ZNF385B: variants seen among roughly 807,000 people sequenced by gnomAD.
ZNF385B encodes the protein zinc finger protein 385B.
ZNF385B carries 23 observed loss-of-function variants against 39.2 expected under a neutral mutation model. The ratio of observed to expected loss-of-function variants is 0.59; its 90% CI spans 0.42 to 0.83. ZNF385B has a LOEUF of 0.83. Ranked by LOEUF, ZNF385B falls within the 40% of genes least tolerant of loss-of-function variation. ZNF385B has a pLI of 0.00. For synonymous variants in ZNF385B, 205 were observed against 222.6 expected (o/e 0.92, Z 0.70); for missense variants, 552 against 598.9 (o/e 0.92, Z 0.82).
intron 3 of ZNF385B, among the ~76,000 whole-genome samples, chr2:179,590,364 C>G (rs1340756315): frequency 6.6e-6 from 1 of 152,158 alleles, no homozygotes; most frequent in East Asian, 1.9e-4. Flanking sequence ...GGGGTTTAAG[C>G]CCAATGCCTG....
chr2:179,745,367 T>C (rs556794211), intron 3 of ZNF385B, among the ~76,000 whole-genome samples: 1 of 152,264 alleles, frequency 6.6e-6, no homozygotes, highest in South Asian at 2.1e-4. Context: ...CTGAAACACA[T>C]AATAACACTG....
At chr2:179,566,848 T>C (rs111713932) in intron 3 of ZNF385B, among the ~76,000 whole-genome samples, 4,206 of 152,158 alleles carry the variant, frequency 0.028, 82 homozygotes, top group African/African-American at 0.054. Context: ...ATTACATTCA[T>C]TGGGGAGGGG....
chr2:179,760,712 C>T (rs758232698), intron 3 of ZNF385B, among the ~76,000 whole-genome samples: 2 of 152,038 alleles, frequency 1.3e-5, no homozygotes, highest in African/African-American at 4.8e-5. Context: ...CTAAACCCAA[C>T]GGCAAGCATC....
intron 1 of ZNF385B, among the ~76,000 whole-genome samples, chr2:179,822,452 T>C (rs1170444048): frequency 6.6e-6 from 1 of 152,210 alleles, no homozygotes; most frequent in Non-Finnish European, 1.5e-5. Flanking sequence ...TTATATCTGA[T>C]TCAACATATT....
At chr2:179,445,825 T>C in intron 7 of ZNF385B, 97 bp from the exon 8 acceptor site, 1 of 1,178,814 alleles carries the variant, frequency 8.5e-7, no homozygotes, top group Non-Finnish European at 1.1e-6. Context: ...AGGCTAAAAT[T>C]CCCAATGCTT....
At chr2:179,851,702 A>T (rs976685626) in intron 1 of ZNF385B, among the ~76,000 whole-genome samples, 4 of 152,188 alleles carry the variant, frequency 2.6e-5, no homozygotes, top group Non-Finnish European at 4.4e-5. Flanking sequence ...CAAAATTTTT[A>T]ATGTCATTTT....
chr2:179,724,177 C>T (rs1048348073), intron 3 of ZNF385B, among the ~76,000 whole-genome samples: 1 of 151,998 alleles, frequency 6.6e-6, no homozygotes, highest in African/African-American at 2.4e-5. Context: ...GGCATGGTGG[C>T]GGGCGCCTGC....
At chr2:179,848,456 G>A (rs747390149) in intron 1 of ZNF385B, among the ~76,000 whole-genome samples, 1 of 152,064 alleles carries the variant, frequency 6.6e-6, no homozygotes, top group African/African-American at 2.4e-5. Flanking sequence ...GCTACTACTC[G>A]GTATGTGCAG....
intron 3 of ZNF385B, among the ~76,000 whole-genome samples, chr2:179,726,975 A>T (rs189497619): frequency 6.6e-6 from 1 of 152,190 alleles, no homozygotes; most frequent in Admixed American, 6.5e-5. Context: ...TAACCCGAGT[A>T]CTTTAACCAC....
chr2:179,483,074 T>A (rs950345513), intron 6 of ZNF385B, among the ~76,000 whole-genome samples, 198 bp downstream of exon 6: 2 of 151,770 alleles, frequency 1.3e-5, no homozygotes, highest in Non-Finnish European at 2.9e-5. Context: ...AACGTATATA[T>A]TTAATAACAT....
At chr2:179,633,356 C>G (rs960739433) in intron 3 of ZNF385B, among the ~76,000 whole-genome samples, 4 of 152,046 alleles carry the variant, frequency 2.6e-5, no homozygotes, top group Admixed American at 2.6e-4. Flanking sequence ...TTATCCACCA[C>G]GATCAAGTCA....
intron 1 of ZNF385B, among the ~76,000 whole-genome samples, chr2:179,813,562 A>T (rs940184756): frequency 1.3e-5 from 2 of 152,240 alleles, no homozygotes; most frequent in African/African-American, 4.8e-5. Context: ...AAGGATAAGC[A>T]GGGAAAATTC....
chr2:179,450,871 C>A (rs1322662149), intron 6 of ZNF385B, among the ~76,000 whole-genome samples: 1 of 151,920 alleles, frequency 6.6e-6, no homozygotes, highest in African/African-American at 2.4e-5. Flanking sequence ...CAATGATAGA[C>A]TGGATTAAGA....
intron 3 of ZNF385B, among the ~76,000 whole-genome samples, chr2:179,711,847 G>T (rs1330683683): frequency 6.0e-5 from 8 of 134,174 alleles, no homozygotes; most frequent in Non-Finnish European, 9.6e-5. Flanking sequence ...TAGCAGTTCT[G>T]TTCAGCCTAC....
chr2:179,688,680 C>A (rs1306984447), intron 3 of ZNF385B, among the ~76,000 whole-genome samples: 1 of 152,174 alleles, frequency 6.6e-6, no homozygotes, highest in Admixed American at 6.5e-5. Flanking sequence ...TCACAGGACA[C>A]TTAATATCGA....
intron 3 of ZNF385B, among the ~76,000 whole-genome samples, chr2:179,578,004 T>C (rs1320318865): frequency 1.3e-5 from 2 of 152,134 alleles, no homozygotes; most frequent in African/African-American, 2.4e-5. Context: ...TATGCTATTA[T>C]TGTTGGCTAG....
chr2:179,848,509 T>A (rs1708916860), intron 1 of ZNF385B, among the ~76,000 whole-genome samples: 1 of 152,332 alleles, frequency 6.6e-6, no homozygotes, highest in African/African-American at 2.4e-5. Flanking sequence ...TTATAAGGTG[T>A]CTATTTATTG....
intron 1 of ZNF385B, among the ~76,000 whole-genome samples, chr2:179,789,746 A>G (rs944495246): frequency 2.0e-5 from 3 of 152,152 alleles, no homozygotes; most frequent in Admixed American, 2.0e-4. Flanking sequence ...GGAGCATAAA[A>G]CATACTAAAA....
intron 3 of ZNF385B, among the ~76,000 whole-genome samples, chr2:179,625,414 GTATATATTTT>G (rs1362692867): frequency 1.3e-5 from 2 of 151,572 alleles, no homozygotes; most frequent in East Asian, 3.9e-4. Context: ...ATTTACATAT[GTATATATTTT>G]TATATATTAT....
Sources: gnomAD v4.1 joint callset for allele counts (sites outside exome capture counted in the v4.1 genomes callset) on GRCh38, gnomAD v4.1.1 for gene constraint, MANE v1.5 for transcripts, NCBI Gene and HGNC (gene_info 2026-07-23, HGNC 2026-07-21) for gene names.